The following ACP3 variants were observed in gnomAD, a reference collection of about 807,000 sequenced individuals.
ACP3 encodes the protein prostatic acid phosphatase.
ACP3 carries 38 observed loss-of-function variants against 45.6 expected under a neutral mutation model. The ratio of observed to expected loss-of-function variants is 0.83; its 90% CI spans 0.64 to 1.09. The LOEUF (loss-of-function observed/expected upper bound fraction) is 1.09. ACP3 is among the 50% of genes least tolerant of loss of function. ACP3 has a pLI of 0.00. For synonymous variants in ACP3, 162 were observed against 164.7 expected (o/e 0.98, Z 0.13); for missense variants, 466 against 463.2 (o/e 1.01, Z -0.05).
chr3:132,354,973 G>A (rs1375001205), intron 9 of ACP3, among the ~76,000 whole-genome samples: 1 of 152,090 alleles, frequency 6.6e-6, no homozygotes, highest in Non-Finnish European at 1.5e-5. Flanking sequence ...CTATATAGAT[G>A]AACCTCAGAT....
At chr3:132,362,568 C>T (rs1938061208), downstream of ACP3, among the ~76,000 whole-genome samples, 1 of 152,144 alleles carries the variant, frequency 6.6e-6, no homozygotes, top group Admixed American at 6.5e-5. Flanking sequence ...TAAATCAGCC[C>T]TAACAGCAAA....
chr3:132,348,672 T>A (rs1177038909), intron 7 of ACP3, among the ~76,000 whole-genome samples: 4 of 152,126 alleles, frequency 2.6e-5, no homozygotes, highest in African/African-American at 9.7e-5. Flanking sequence ...CCCTAATGCA[T>A]TCCACAGGGC....
intron 4 of ACP3, chr3:132,337,232 G>GA (rs3833591): frequency 0.017 from 6,641 of 388,114 alleles, 251 homozygotes; most frequent in African/African-American, 0.099. Flanking sequence ...GTTTATGAAT[G>GA]AAAAAAAAGG....
intron 1 of ACP3, among the ~76,000 whole-genome samples, chr3:132,318,500 G>A (rs538371785): frequency 1.8e-4 from 26 of 146,972 alleles, no homozygotes; most frequent in South Asian, 1.3e-3. Context: ...TAAAGTTCAG[G>A]CTTTTTTTTT....
chr3:132,364,559 G>A (rs997393559), intron 10 of ACP3, among the ~76,000 whole-genome samples: 1 of 152,172 alleles, frequency 6.6e-6, no homozygotes, highest in African/African-American at 2.4e-5. Flanking sequence ...CTTTCAAATA[G>A]AATACACTCT....
downstream of ACP3, among the ~76,000 whole-genome samples, chr3:132,361,390 T>C (rs1246405244): frequency 6.6e-6 from 1 of 152,162 alleles, no homozygotes; most frequent in Non-Finnish European, 1.5e-5. Flanking sequence ...CACTCCTCAC[T>C]CCACTCCTGC....
chr3:132,351,484 T>C (rs936583889), intron 8 of ACP3, among the ~76,000 whole-genome samples: 5 of 152,112 alleles, frequency 3.3e-5, no homozygotes, highest in Non-Finnish European at 7.4e-5. Flanking sequence ...AGAAAGAAAG[T>C]CATGTTTTCA....
Position 132,356,831 on chromosome 3 carries a change from T to G in ACP3, c.1114T>G (p.Cys372Gly). 6.2e-7 allele frequency: 1 copy of G among 1,614,024 alleles called. No individual in the cohort carries two copies. The highest frequency in any genetic ancestry group is 8.5e-7 in the Non-Finnish European group (1 of 1,180,020). Reference protein sequence around the residue: ...PVIPQDWSTECMTTNSHQGTE... With the variant: ...PVIPQDWSTEGMTTNSHQGTE... ...GATCCCTCAAGACTGGTCCACGGAG[T>G]GTATGACCACAAACAGCCATCAAGG... The change falls in exon 10 of 10, where the codon TGT becomes GGT. Residue 372 changes from cysteine to glycine, a missense_variant. Transcript: ENST00000336375.
chr3:132,337,751 CACAAGCCAATAG>C (rs1252639401), intron 5 of ACP3, among the ~76,000 whole-genome samples, 197 bp downstream of exon 5: 2 of 152,210 alleles, frequency 1.3e-5, no homozygotes, highest in African/African-American at 4.8e-5. Flanking sequence ...ATACAGGGGT[CACAAGCCAATAG>C]ACAAGCCAGT....
At chr3:132,340,991 C>G (rs1365852731) in intron 5 of ACP3, among the ~76,000 whole-genome samples, 2 of 152,028 alleles carry the variant, frequency 1.3e-5, no homozygotes, top group Non-Finnish European at 2.9e-5. Flanking sequence ...TCAAATCTTC[C>G]TAAGAATATG....
rs780341529 is a variant in ACP3, at chr3:132,328,374, T to C, written c.216+12T>C. ...GCCAACTCACCCAGGTTGGTTGGAC[T>C]TTTAGCTAAAGATTGTTGATGAAGC... is the stretch of plus-strand genomic sequence containing the variant. On this transcript the variant is annotated intron_variant, in intron 2 of 9. Transcript: ENST00000336375. The C allele has an allele frequency of 6.2e-7, 1 of 1,607,952 alleles. No homozygotes were observed. The highest frequency in any genetic ancestry group is 2.2e-5 in the East Asian group (1 of 44,752).
chr3:132,341,140 T>C (rs962090461), intron 5 of ACP3, among the ~76,000 whole-genome samples: 2 of 152,178 alleles, frequency 1.3e-5, no homozygotes, highest in Non-Finnish European at 2.9e-5. Flanking sequence ...TTCTTCCTTT[T>C]GCCTATTTGC....
At chr3:132,340,887 TG>T (rs1937546510) in intron 5 of ACP3, among the ~76,000 whole-genome samples, 1 of 152,138 alleles carries the variant, frequency 6.6e-6, no homozygotes, top group Non-Finnish European at 1.5e-5. Flanking sequence ...AGAGTCAGCT[TG>T]TCTAGTTCCA....
chr3:132,357,112 G>T lies in ACP3; in HGVS notation c.*234G>T, dbSNP rs1176960182. On this transcript the variant is annotated 3_prime_UTR_variant, in exon 10 of 10. Transcript: ENST00000336375. ...TTGTTTTTCAGCGTTAATGTAAAGGGGCAGCAGTGCCAAAATATAATCAGA... is the reference window on the plus strand; with the variant it reads ...TTGTTTTTCAGCGTTAATGTAAAGGTGCAGCAGTGCCAAAATATAATCAGA... 9 of 1,240,584 alleles carry T rather than the reference G, an allele frequency of 7.3e-6. No homozygotes were observed. In the East Asian group the frequency reaches 1.1e-4, roughly 15 times the overall value. The allele number at this position is 1,240,584 out of a possible 1,614,324, so 76.8% of individuals were successfully genotyped here. A position where few individuals can be genotyped will look rare whatever the true frequency, so the allele number is the denominator to read the frequency against.
At position 132,342,591 on chromosome 3, in the gene ACP3, G is replaced by A. The variant is rs1367837005; in HGVS notation, c.595G>A (p.Gly199Ser). 1.2e-6 allele frequency: 2 copies of A among 1,612,740 alleles called. No individual in the cohort carries two copies. The highest frequency in any genetic ancestry group is 8.5e-7 in the Non-Finnish European group (1 of 1,179,556). Residue 199 changes from glycine to serine, a missense_variant, in exon 6 of 10, where the codon GGC becomes AGC. Transcript: ENST00000336375. ...ATLGKLSGLH[G>S]QDLFGIWSKV... ...CTTGGGAAAACTTTCAGGATTACATGGCCAGGACCTTTTTGGAATTTGGAG... is the reference window on the plus strand; with the variant it reads ...CTTGGGAAAACTTTCAGGATTACATAGCCAGGACCTTTTTGGAATTTGGAG...
At chr3:132,326,573 A>T (rs1405281814) in intron 1 of ACP3, among the ~76,000 whole-genome samples, 2 of 152,144 alleles carry the variant, frequency 1.3e-5, no homozygotes, top group African/African-American at 4.8e-5. Flanking sequence ...GTTTCTGTAG[A>T]CTACTCTACC....
intron 1 of ACP3, among the ~76,000 whole-genome samples, chr3:132,325,942 T>A (rs1365104948): frequency 1.3e-5 from 2 of 152,332 alleles, no homozygotes; most frequent in Non-Finnish European, 2.9e-5. Flanking sequence ...TTAGCACAGT[T>A]TCCAGGACAA....
intron 1 of ACP3, among the ~76,000 whole-genome samples, chr3:132,326,170 G>A (rs1262189339): frequency 6.6e-6 from 1 of 152,072 alleles, no homozygotes; most frequent in Non-Finnish European, 1.5e-5. Flanking sequence ...GTAAAGGCTA[G>A]GGATGCTGCT....
chr3:132,329,913 CT>C (rs59644798), intron 2 of ACP3, among the ~76,000 whole-genome samples: 4,408 of 119,928 alleles, frequency 0.037, 134 homozygotes, highest in African/African-American at 0.14. Flanking sequence ...TGTCTAGGTA[CT>C]TTTTTTTTTT....
Sources: allele counts gnomAD v4.1 joint callset (sites outside exome capture counted in the v4.1 genomes callset), GRCh38; gene constraint gnomAD v4.1.1; transcripts MANE v1.5; gene names NCBI Gene and HGNC (gene_info 2026-07-23, HGNC 2026-07-21).